MCEE: variants seen among roughly 807,000 people sequenced by gnomAD.
MCEE encodes methylmalonyl-CoA epimerase, mitochondrial.
Under a neutral mutation model 12.9 loss-of-function variants are expected in MCEE, and 6 were observed. The observed-to-expected ratio is 0.47, with a 90% CI of 0.26 to 0.92. MCEE has a LOEUF of 0.92. MCEE is among the 40% of genes least tolerant of loss of function. The pLI, the probability that MCEE is intolerant of heterozygous loss-of-function variation, is 0.16. For missense variants in MCEE, 214 were observed against 212.1 expected (o/e 1.01, Z -0.05); for synonymous variants, 78 against 77.9 (o/e 1.00, Z -0.01).
chr2:71,124,852 C>T (rs11126317), intron 1 of MCEE, among the ~76,000 whole-genome samples: 11 of 151,868 alleles, frequency 7.2e-5, no homozygotes, highest in Non-Finnish European at 1.5e-4. Flanking sequence ...GCATATTAAG[C>T]ATTACTTGCT....
intron 2 of MCEE, chr2:71,117,428 C>T (rs1028711452): frequency 6.7e-6 from 1 of 150,180 alleles, no homozygotes; most frequent in Admixed American, 6.6e-5. Context: ...TTGTGAAAAG[C>T]CAAAATGAGA....
rs543518046 is a variant in MCEE, at chr2:71,126,477, C to A, written c.41-1934G>T. Among the ~76,000 whole-genome samples, 6 of 150,666 alleles carry A rather than the reference C, an allele frequency of 4.0e-5. No homozygotes were observed. In the East Asian group the frequency reaches 1.2e-3, roughly 30 times the overall value. ...TCCTGACCTCGTGATCCGCCCACCT[C>A]GGCCTCCCAAAGTGCCGGGATCACA... is the stretch of plus-strand genomic sequence containing the variant. On this transcript the variant is annotated intron_variant, in intron 1 of 2. Transcript: ENST00000244217.
intron 2 of MCEE, among the ~76,000 whole-genome samples, chr2:71,123,837 C>T (rs1304635618): frequency 1.3e-5 from 2 of 152,140 alleles, no homozygotes; most frequent in Non-Finnish European, 2.9e-5. Context: ...ACACTGAAAG[C>T]TTTAAAGTCT....
intron 1 of MCEE, among the ~76,000 whole-genome samples, chr2:71,125,204 TA>T (rs1336415128): frequency 2.9e-4 from 19 of 64,522 alleles, no homozygotes; most frequent in East Asian, 2.0e-3. Flanking sequence ...TATATATATA[TA>T]TATATATTTT....
intron 2 of MCEE, among the ~76,000 whole-genome samples, chr2:71,113,269 C>T (rs927788271): frequency 2.0e-5 from 3 of 152,072 alleles, no homozygotes; most frequent in Admixed American, 6.6e-5. Flanking sequence ...TAGTTATATA[C>T]AGAAATGTGT....
Position 71,130,223 on chromosome 2 carries a change from G to A in MCEE, c.-4C>T, listed in dbSNP as rs1673342135. On this transcript the variant is annotated 5_prime_UTR_variant, in exon 1 of 3. Coordinates refer to ENST00000244217, the MANE Select transcript of MCEE (RefSeq NM_032601.4). Reference sequence around the variant, plus strand: ...CAGCCTTCAGCACCCGCGCCATTTTGGAAAGCAACCCGCCACGTCAAGACT... The same window carrying A: ...CAGCCTTCAGCACCCGCGCCATTTTAGAAAGCAACCCGCCACGTCAAGACT... The A allele has an allele frequency of 2.5e-6, 4 of 1,608,882 alleles. No homozygotes were observed. The highest frequency in any genetic ancestry group is 1.3e-5 in the African/African-American group (1 of 74,872).
intron 2 of MCEE, among the ~76,000 whole-genome samples, chr2:71,123,796 A>G (rs899911661): frequency 2.6e-5 from 4 of 152,216 alleles, no homozygotes; most frequent in African/African-American, 9.6e-5. Context: ...TTTTAAAGAG[A>G]GAAAAGAGTT....
chr2:71,110,127 A>C lies in MCEE; in HGVS notation c.379-5T>G, dbSNP rs1296412917. On this transcript the variant is annotated splice_region_variant and splice_polypyrimidine_tract_variant and intron_variant, in intron 2 of 2. Transcript: ENST00000244217. ...AGCTGCATTAATATTATCCACCTTAAGAAAGGGAAATAAATTGAACACATT... is the reference window on the plus strand; with the variant it reads ...AGCTGCATTAATATTATCCACCTTACGAAAGGGAAATAAATTGAACACATT... The C allele has an allele frequency of 2.5e-6, 4 of 1,611,028 alleles. No homozygotes were observed. Among genetic ancestry groups the C allele is most frequent in the Non-Finnish European group, 2.5e-6 (3 of 1,177,708 alleles).
rs1672853493 is a variant in MCEE at position 71,109,993 on chromosome 2, G to C, written c.508C>G (p.Leu170Val). 6.2e-7 allele frequency: 1 copy of C among 1,613,516 alleles called. No homozygotes were observed. Among genetic ancestry groups the C allele is most frequent in the Admixed American group, 1.7e-5 (1 of 59,958 alleles). ...FLHPKDCGGV[L>V]VELEQA is the part of the protein sequence containing the mutation. ...AATCAAGCTTGCTCCAGTTCCACAA[G>C]GACTCCACCACAGTCTTTAGGATGG... Residue 170 changes from leucine to valine, a missense_variant, in exon 3 of 3, where the codon CTT becomes GTT. Coordinates refer to ENST00000244217, the MANE Select transcript of MCEE (RefSeq NM_032601.4).
intron 1 of MCEE, among the ~76,000 whole-genome samples, chr2:71,127,065 T>C (rs1179441067): frequency 6.6e-6 from 1 of 152,176 alleles, no homozygotes; most frequent in Non-Finnish European, 1.5e-5. Flanking sequence ...TATACTACAG[T>C]GTAAAACCAT....
chr2:71,125,209 A>ATTTTTTTTTTTTTT (rs1449400615), intron 1 of MCEE, among the ~76,000 whole-genome samples: 2 of 48,166 alleles, frequency 4.2e-5, no homozygotes, highest in Non-Finnish European at 9.7e-5. Context: ...ATATATATAT[A>ATTTTTTTTTTTTTT]TATTTTTTTT....
chr2:71,118,763 C>T (rs370145021), intron 2 of MCEE, among the ~76,000 whole-genome samples: 12 of 150,094 alleles, frequency 8.0e-5, no homozygotes, highest in African/African-American at 1.5e-4. Flanking sequence ...GTTATGATTT[C>T]GACATATGAA....
chr2:71,122,019 T>C (rs1471264936), intron 2 of MCEE, among the ~76,000 whole-genome samples: 1 of 152,198 alleles, frequency 6.6e-6, no homozygotes, highest in Non-Finnish European at 1.5e-5. Context: ...TCAGTTTCCT[T>C]TCCTGTCAAA....
rs1165311315 is a variant in MCEE at position 71,130,199 on chromosome 2, A to T, written c.21T>A (p.Ala7=). ...ATTCACCTACGGCATTCGCGGCTGC[A>T]GCCTTCAGCACCCGCGCCATTTTGG... is the stretch of plus-strand genomic sequence containing the variant. MARVLK[A]AAANAVGLFS... is the part of the protein sequence containing the mutation. Residue 7 remains alanine (A), a synonymous_variant, in exon 1 of 3, where the codon GCT becomes GCA. Transcript: ENST00000244217. The T allele has an allele frequency of 6.2e-7, 1 of 1,608,096 alleles. No homozygotes were observed. Among genetic ancestry groups the T allele is most frequent in the Admixed American group, 1.7e-5 (1 of 59,544 alleles).
At chr2:71,117,553 T>G (rs1260330877) in intron 2 of MCEE, 5 of 150,522 alleles carry the variant, frequency 3.3e-5, no homozygotes, top group Admixed American at 2.6e-4. Context: ...TATAAATTTT[T>G]TCTTTCCTAA....
intron 2 of MCEE, among the ~76,000 whole-genome samples, chr2:71,111,471 C>A (rs1672883553): frequency 6.6e-6 from 1 of 152,122 alleles, no homozygotes; most frequent in Non-Finnish European, 1.5e-5. Context: ...CACTACCAAG[C>A]CAAAGCCCTT....
chr2:71,124,133 A>G, intron 2 of MCEE, 73 bp downstream of exon 2: 1 of 1,161,744 alleles, frequency 8.6e-7, no homozygotes, highest in Non-Finnish European at 1.3e-6. Flanking sequence ...GTGACCATAA[A>G]TAGACTTAAA....
At chr2:71,112,925 T>A (rs1351279346) in intron 2 of MCEE, among the ~76,000 whole-genome samples, 1 of 152,266 alleles carries the variant, frequency 6.6e-6, no homozygotes, top group African/African-American at 2.4e-5. Flanking sequence ...ATGTCCTACA[T>A]CTGTCTTATG....
rs372452927 is a variant in MCEE, at chr2:71,119,266, A to G, written c.378+4940T>C. Among the ~76,000 whole-genome samples, 10 of 150,482 alleles carry G rather than the reference A, an allele frequency of 6.6e-5. No individual in the cohort carries two copies. The East Asian group carries it at 1.7e-3, about 26-fold the overall frequency. ...GGATGGTGGCGCCTACTACACACCTAGGCTACAGGGTACAGTCTATTCCTC... is the reference window on the plus strand; with the variant it reads ...GGATGGTGGCGCCTACTACACACCTGGGCTACAGGGTACAGTCTATTCCTC... On this transcript the variant is annotated intron_variant, in intron 2 of 2. Transcript: ENST00000244217.
Sources: allele counts gnomAD v4.1 joint callset (sites outside exome capture counted in the v4.1 genomes callset), GRCh38; gene constraint gnomAD v4.1.1; transcripts MANE v1.5; gene names NCBI Gene and HGNC (gene_info 2026-07-23, HGNC 2026-07-21).